Variants in NXN observed in about 807,000 individuals in gnomAD.
NXN encodes the protein nucleoredoxin.
A neutral mutation model predicts 48.6 loss-of-function variants in NXN; 16 were observed. That is an observed-to-expected ratio of 0.33 (90% CI 0.22 to 0.50). The LOEUF (loss-of-function observed/expected upper bound fraction) is 0.50. Ranked by LOEUF, NXN falls within the 20% of genes least tolerant of loss-of-function variation. NXN has a pLI of 0.98. For synonymous variants in NXN, 281 were observed against 269.6 expected (o/e 1.04, Z -0.41); for missense variants, 492 against 605.5 (o/e 0.81, Z 1.97).
intron 1 of NXN, among the ~76,000 whole-genome samples, chr17:922,789 C>A (rs185217833): frequency 6.6e-6 from 1 of 151,608 alleles, no homozygotes; most frequent in African/African-American, 2.4e-5. Context: ...GTAGCTGGGA[C>A]TACAGGTGCC....
chr17:858,033 C>T (rs1299188850), intron 1 of NXN, among the ~76,000 whole-genome samples: 1 of 150,420 alleles, frequency 6.6e-6, no homozygotes, highest in African/African-American at 2.4e-5. Context: ...TGCAGTGGCG[C>T]AATCTTGGCT....
chr17:845,679 G>A (rs568358805), intron 1 of NXN, among the ~76,000 whole-genome samples: 4 of 152,374 alleles, frequency 2.6e-5, no homozygotes, highest in African/African-American at 7.2e-5. Context: ...TGTGCTACCA[G>A]CTCCTCACAT....
chr17:898,192 G>A (rs1266424879), intron 1 of NXN, among the ~76,000 whole-genome samples: 1 of 152,068 alleles, frequency 6.6e-6, no homozygotes, highest in African/African-American at 2.4e-5. Flanking sequence ...CCTGGTCGAG[G>A]CTGGTCTGTG....
chr17:854,475 T>A (rs796274172), intron 1 of NXN, among the ~76,000 whole-genome samples: 11 of 147,092 alleles, frequency 7.5e-5, no homozygotes, highest in Non-Finnish European at 1.2e-4. Context: ...GGTGAAACCC[T>A]GTCTCTACTA....
chr17:805,020 T>TCCCCCCCCCCACCCCCCCCCCCCCC, intron 6 of NXN, 48 bp downstream of exon 6: 1 of 1,512,884 alleles, frequency 6.6e-7, no homozygotes, highest in Non-Finnish European at 9.0e-7. Flanking sequence ...GCCCCTCCTG[T>TCCCCCCCCCCACCCCCCCCCCCCCC]CCCGCCCCCC....
intron 1 of NXN, among the ~76,000 whole-genome samples, chr17:918,342 T>C (rs62070217): frequency 0.2 from 29,631 of 151,902 alleles, 2,910 homozygotes; most frequent in African/African-American, 0.22. Flanking sequence ...CGGAAGGAAA[T>C]GGGAGGAGCG....
intron 1 of NXN, among the ~76,000 whole-genome samples, chr17:857,679 CTT>C (rs1253023800): frequency 6.6e-6 from 1 of 152,198 alleles, no homozygotes; most frequent in Non-Finnish European, 1.5e-5. Context: ...CTGTAGCTCT[CTT>C]TCTCAATGGT....
intron 4 of NXN, 99 bp downstream of exon 4, chr17:822,257 AG>A: frequency 1.2e-6 from 1 of 803,794 alleles, no homozygotes; most frequent in Non-Finnish European, 2.0e-6. Context: ...CCAGCCTGGG[AG>A]ACAAGAGCAA....
At chr17:824,307 A>C (rs1912981099) in intron 2 of NXN, among the ~76,000 whole-genome samples, 1 of 152,108 alleles carries the variant, frequency 6.6e-6, no homozygotes, top group Non-Finnish European at 1.5e-5. Flanking sequence ...TCAGCCTCCC[A>C]AAGTGCTGGA....
chr17:959,493 G>GAAA (rs60665462), intron 1 of NXN: 8 of 147,898 alleles, frequency 5.4e-5, no homozygotes, highest in Non-Finnish European at 7.4e-5. Flanking sequence ...TCAGAAGTGA[G>GAAA]AAAAAAAAAA....
rs1026675617 is a variant in NXN, at chr17:958,300, G to A, written c.360+21019C>T. Among the ~76,000 whole-genome samples, 11 of 152,098 alleles carry A rather than the reference G, an allele frequency of 7.2e-5. No homozygotes were observed. Among genetic ancestry groups the A allele is most frequent in the Non-Finnish European group, 8.8e-5 (6 of 68,028 alleles). ...CGGTGAGCAAGGTTACTCATCTTCC[G>A]AAAATGCTAACGTGCTGACTGGGGC... On this transcript the variant is annotated intron_variant, in intron 1 of 7. Transcript: ENST00000336868. The surrounding 1 kb of genome is among the most constrained non-coding windows in gnomAD (Gnocchi z 6.9).
chr17:825,916 AG>A lies in NXN; in HGVS notation c.478+44del, dbSNP rs760990839. On this transcript the variant is annotated intron_variant, in intron 2 of 7. Transcript: ENST00000336868. The surrounding 1 kb of genome is among the most constrained non-coding windows in gnomAD (Gnocchi z 4.1). ...ATTAGCCTAAGGGCATGGAGGAGGGAGGGCTGGGTAATAAGAGGACCATATG... is the reference window on the plus strand; with the variant it reads ...ATTAGCCTAAGGGCATGGAGGAGGGAGGCTGGGTAATAAGAGGACCATATG... The A allele has an allele frequency of 4.1e-6, 5 of 1,233,522 alleles. No homozygotes were observed. The allele number at this position is 1,233,522 out of a possible 1,614,324, so 76.4% of individuals were successfully genotyped here. A position where few individuals can be genotyped will look rare whatever the true frequency, so the allele number is the denominator to read the frequency against.
In NXN at chr17:919,467, G is replaced by A. The variant is rs945503028; in HGVS notation, c.360+59852C>T. Among the ~76,000 whole-genome samples, 4 of 152,144 alleles carry A rather than the reference G, an allele frequency of 2.6e-5. No homozygotes were observed. Among genetic ancestry groups the A allele is most frequent in the African/African-American group, 4.8e-5 (2 of 41,426 alleles). ...ATCATTCCTTAAGATGCTAGAAAAC[G>A]TGTTATTGTAACACGAGGAAAAAGC... On this transcript the variant is annotated intron_variant, in intron 1 of 7. Coordinates refer to ENST00000336868, the MANE Select transcript of NXN (RefSeq NM_022463.5). The surrounding 1 kb of genome is among the most constrained non-coding windows in gnomAD (Gnocchi z 5.1).
intron 1 of NXN, among the ~76,000 whole-genome samples, chr17:885,378 G>A (rs1293411897): frequency 6.6e-6 from 1 of 151,946 alleles, no homozygotes; most frequent in Non-Finnish European, 1.5e-5. Context: ...TTGGGAGGCT[G>A]AGGCAGGAGA....
At chr17:823,334 G>A (rs1912919114) in intron 3 of NXN, among the ~76,000 whole-genome samples, 1 of 151,886 alleles carries the variant, frequency 6.6e-6, no homozygotes, top group South Asian at 2.1e-4. Flanking sequence ...AGGAGGCAAA[G>A]GTTGCAGTGA....
chr17:899,253 C>A (rs1219435162), intron 1 of NXN, among the ~76,000 whole-genome samples: 1 of 152,098 alleles, frequency 6.6e-6, no homozygotes, highest in Non-Finnish European at 1.5e-5. Flanking sequence ...CCACCGCACC[C>A]CGGCCTGTGC....
chr17:841,895 G>A lies in NXN; in HGVS notation c.361-15817C>T, dbSNP rs1003823726. Reference sequence around the variant, plus strand: ...CTCACGTCTGTAATCCCAGCACTTTGGGAGGCCGAGGTGGGCGGATCACCT... The same window carrying A: ...CTCACGTCTGTAATCCCAGCACTTTAGGAGGCCGAGGTGGGCGGATCACCT... On this transcript the variant is annotated intron_variant, in intron 1 of 7. Transcript: ENST00000336868. Among the ~76,000 whole-genome samples, 3 of 152,184 alleles carry A rather than the reference G, an allele frequency of 2.0e-5. 1 individual carries two copies. In the South Asian group the frequency reaches 6.2e-4, roughly 32 times the overall value.
chr17:923,501 C>T (rs892708250), intron 1 of NXN, among the ~76,000 whole-genome samples: 3 of 152,270 alleles, frequency 2.0e-5, no homozygotes, highest in Non-Finnish European at 4.4e-5. Context: ...CTGGGCAACA[C>T]AGCGAGACCG....
At chr17:897,027 G>T (rs1041097861) in intron 1 of NXN, 4 of 1,094,882 alleles carry the variant, frequency 3.7e-6, no homozygotes, top group Non-Finnish European at 4.5e-6. Flanking sequence ...AAACTCCGGC[G>T]TGCCTAACAA....
Sources: allele counts gnomAD v4.1 joint callset (sites outside exome capture counted in the v4.1 genomes callset), GRCh38; gene constraint gnomAD v4.1.1; non-coding constraint Gnocchi (gnomAD v3.1); transcripts MANE v1.5; gene names NCBI Gene and HGNC (gene_info 2026-07-23, HGNC 2026-07-21).